PRSS12: variants seen among roughly 807,000 people sequenced by gnomAD.
The protein encoded by PRSS12 is serine protease 12, also known as neurotrypsin.
PRSS12 carries 85 observed loss-of-function variants against 104.4 expected under a neutral mutation model. The ratio of observed to expected loss-of-function variants is 0.81; its 90% CI spans 0.68 to 0.98. The LOEUF is 0.98. Among genes scored for constraint, PRSS12 ranks in the 50% least tolerant of loss-of-function variants. The pLI is 0.00. For synonymous variants in PRSS12, 454 were observed against 425.2 expected, an observed-to-expected ratio of 1.07 and a Z score of -0.83; for missense variants, 1,141 against 1,139.2, an observed-to-expected ratio of 1.00 and a Z score of -0.02.
rs764283324 is a variant in PRSS12, at chr4:118,352,437, GC to G, written c.283del (p.Ala95ProfsTer8). 3.3e-6 allele frequency: 5 copies of G among 1,497,920 alleles called. No homozygotes were observed. The South Asian group carries it at 6.4e-5, about 19-fold the overall frequency. The allele number at this position is 1,497,920 out of a possible 1,614,324, so 92.8% of individuals were successfully genotyped here. A position where few individuals can be genotyped will look rare whatever the true frequency, so the allele number is the denominator to read the frequency against. On this transcript the variant is annotated frameshift_variant, in exon 1 of 13. Coordinates refer to ENST00000296498, the MANE Select transcript of PRSS12 (RefSeq NM_003619.4). LOFTEE classifies it high-confidence loss of function. ...CGTCACGCTGACCCATGGCTCGCCG[GC>G]GGGGCAGCCCCAGGGGTGCGGCCGG... Reference protein sequence around the residue: ...TPRPHPWGCPAGEPWVSVTDF... With the variant: ...TPRPHPWGCPXGEPWVSVTDF...
chr4:118,300,251 G>A (rs776304377), intron 8 of PRSS12, among the ~76,000 whole-genome samples: 2 of 151,970 alleles, frequency 1.3e-5, no homozygotes, highest in South Asian at 4.1e-4. Context: ...GACCTCAAGC[G>A]ATCCACCCAC....
chr4:118,331,812 C>T lies in PRSS12; in HGVS notation c.875G>A (p.Arg292Gln), dbSNP rs562595157. The T allele has an allele frequency of 2.3e-5, 37 of 1,614,170 alleles. No homozygotes were observed. Among genetic ancestry groups the T allele is most frequent in the Non-Finnish European group, 2.8e-5 (33 of 1,180,026 alleles). The change falls in exon 4 of 13, where the codon CGG becomes CAG. Residue 292 changes from arginine to glutamine, a missense_variant. By Grantham distance (43) the Arg-to-Gln change is conservative. Transcript: ENST00000296498. ...LAGGSSVHEGRVELYHAGQWG... is the reference protein window; with the variant it reads ...LAGGSSVHEGQVELYHAGQWG... Reference sequence around the variant, plus strand: ...CTGGCCAGCATGGTAGAGCTCCACCCGGCCTTCATGCACACTGCTGCCTCC... The same window carrying T: ...CTGGCCAGCATGGTAGAGCTCCACCTGGCCTTCATGCACACTGCTGCCTCC...
intron 12 of PRSS12, among the ~76,000 whole-genome samples, chr4:118,282,525 G>A (rs541471877): frequency 4.6e-5 from 7 of 152,294 alleles, no homozygotes; most frequent in Admixed American, 2.0e-4. Context: ...TATTTGTGCA[G>A]GCTTTCGTAT....
At chr4:118,331,228 G>T (rs1294722754) in intron 4 of PRSS12, among the ~76,000 whole-genome samples, 3 of 152,142 alleles carry the variant, frequency 2.0e-5, no homozygotes, top group Admixed American at 2.0e-4. Flanking sequence ...CTGTTTTCAT[G>T]ACATAGGCTT....
intron 1 of PRSS12, among the ~76,000 whole-genome samples, chr4:118,339,028 C>A (rs1724132052): frequency 6.6e-6 from 1 of 152,020 alleles, no homozygotes; most frequent in African/African-American, 2.4e-5. Flanking sequence ...AAGAGCTGTC[C>A]CAAAGTCCAC....
chr4:118,336,562 CT>C (rs1324371248), intron 2 of PRSS12, among the ~76,000 whole-genome samples: 10 of 149,660 alleles, frequency 6.7e-5, no homozygotes, highest in Admixed American at 2.7e-4. Context: ...CGTGCAATTC[CT>C]TTTTTTTTTA....
chr4:118,352,586 A>ATAGG lies in PRSS12; in HGVS notation c.131_134dup (p.Tyr46LeufsTer134). The ATAGG allele has an allele frequency of 6.3e-7, 1 of 1,598,806 alleles. No homozygotes were observed. The highest frequency in any genetic ancestry group is 8.5e-7 in the Non-Finnish European group (1 of 1,173,150). On this transcript the variant is annotated frameshift_variant, in exon 1 of 13. Transcript: ENST00000296498. LOFTEE classifies it high-confidence loss of function. Reference sequence around the variant, plus strand: ...GGGGCCGCTGCTGGGTGGGAAGGTAATAGGGGTAGTGCGGACCCGCAGGGG... The same window carrying ATAGG: ...GGGGCCGCTGCTGGGTGGGAAGGTAATAGGTAGGGGTAGTGCGGACCCGCAGGGG...
At chr4:118,317,100 T>C (rs1183195084) in intron 5 of PRSS12, among the ~76,000 whole-genome samples, 3 of 151,910 alleles carry the variant, frequency 2.0e-5, no homozygotes, top group African/African-American at 4.8e-5. Context: ...AAAAAAACTA[T>C]TCTGGATAAA....
chr4:118,330,417 A>C (rs1224822259), intron 4 of PRSS12, among the ~76,000 whole-genome samples: 5 of 152,212 alleles, frequency 3.3e-5, no homozygotes, highest in Admixed American at 2.6e-4. Context: ...GAAGGAAAAA[A>C]ATAAGACAAA....
At chr4:118,322,758 G>A (rs1280824219) in intron 4 of PRSS12, among the ~76,000 whole-genome samples, 1 of 151,898 alleles carries the variant, frequency 6.6e-6, no homozygotes, top group East Asian at 1.9e-4. Flanking sequence ...CCTGAGACCT[G>A]TGGTTCCTTT....
In PRSS12 at chr4:118,352,484, G is replaced by A. The variant is rs1451213769; in HGVS notation, c.237C>T (p.Ala79=). ...PRALPAQRPH[A]LQAGHTPRPH... is the part of the protein sequence containing the mutation. ...GCCGGGGCGTGTGCCCGGCCTGGAGGGCGTGCGGGCGCTGGGCAGGGAGCG... is the reference window on the plus strand; with the variant it reads ...GCCGGGGCGTGTGCCCGGCCTGGAGAGCGTGCGGGCGCTGGGCAGGGAGCG... The change falls in exon 1 of 13, where the codon GCC becomes GCT. Residue 79 remains alanine, a synonymous_variant. Transcript: ENST00000296498. 2.9e-6 allele frequency: 4 copies of A among 1,378,020 alleles called. No homozygotes were observed. The highest frequency in any genetic ancestry group is 1.7e-5 in the South Asian group (1 of 57,338). The allele number at this position is 1,378,020 out of a possible 1,614,324, so 85.4% of individuals were successfully genotyped here. A position where few individuals can be genotyped will look rare whatever the true frequency, so the allele number is the denominator to read the frequency against.
intron 1 of PRSS12, among the ~76,000 whole-genome samples, chr4:118,343,577 C>T (rs1334407140): frequency 1.3e-5 from 2 of 152,156 alleles, no homozygotes; most frequent in Non-Finnish European, 2.9e-5. Flanking sequence ...GATAACATAG[C>T]AAGACCCCAC....
chr4:118,350,585 A>G (rs1724472343), intron 1 of PRSS12, among the ~76,000 whole-genome samples: 2 of 152,328 alleles, frequency 1.3e-5, no homozygotes, highest in South Asian at 4.1e-4. Flanking sequence ...GGAAGTACAA[A>G]TAACTATTAT....
In PRSS12 at chr4:118,282,889, C is replaced by T. The variant is rs1742918849; in HGVS notation, c.2262G>A (p.Trp754Ter). ...SHVLPACLPLWRERPQKTASN... is the reference protein window; with the variant it reads ...SHVLPACLPL ...ATGCTGTTTTCTGTGGCCTCTCTCT[C>T]CAGAGTGGTAAACAGGCTGGCAAAA... Residue 754 changes from tryptophan to a stop codon, truncating the protein, a stop_gained, in exon 12 of 13, where the codon TGG becomes TGA. Coordinates refer to ENST00000296498, the MANE Select transcript of PRSS12 (RefSeq NM_003619.4). LOFTEE classifies it high-confidence loss of function. The T allele has an allele frequency of 6.2e-7, 1 of 1,614,210 alleles. No individual in the cohort carries two copies. The highest frequency in any genetic ancestry group is 8.5e-7 in the Non-Finnish European group (1 of 1,180,040).
At chr4:118,284,723 A>G (rs4834677) in intron 11 of PRSS12, among the ~76,000 whole-genome samples, 46,040 of 151,974 alleles carry the variant, frequency 0.3, 7,353 homozygotes, top group East Asian at 0.52. Flanking sequence ...CCGTCTGCCC[A>G]TTACAACAAT....
At chr4:118,282,588 A>G (rs1403840298) in intron 12 of PRSS12, among the ~76,000 whole-genome samples, 1 of 152,248 alleles carries the variant, frequency 6.6e-6, no homozygotes, top group African/African-American at 2.4e-5. Flanking sequence ...GTTTCGCATT[A>G]GCACATCAAT....
At chr4:118,297,683 G>C (rs965955033) in intron 9 of PRSS12, among the ~76,000 whole-genome samples, 1 of 152,048 alleles carries the variant, frequency 6.6e-6, no homozygotes, top group Non-Finnish European at 1.5e-5. Flanking sequence ...GTTAGAAAAA[G>C]AGAATCCTCA....
intron 3 of PRSS12, among the ~76,000 whole-genome samples, chr4:118,334,769 T>C (rs1724020189): frequency 6.6e-6 from 1 of 152,202 alleles, no homozygotes. Context: ...TATCTGGTCA[T>C]GCTGCTATCA....
At chr4:118,308,598 AT>A (rs1743620089) in intron 7 of PRSS12, 21 bp from the exon 8 acceptor site, 3 of 1,611,374 alleles carry the variant, frequency 1.9e-6, no homozygotes, top group Non-Finnish European at 2.5e-6. Context: ...ATTCAAAAGT[AT>A]TAGAACAGCC....
Sources: gnomAD v4.1 joint callset for allele counts (sites outside exome capture counted in the v4.1 genomes callset) on GRCh38, gnomAD v4.1.1 for gene constraint, MANE v1.5 for transcripts, NCBI Gene and HGNC (gene_info 2026-07-23, HGNC 2026-07-21) for gene names.